SGCD: variants seen among roughly 807,000 people sequenced by gnomAD.
The protein encoded by SGCD is delta-sarcoglycan.
In SGCD, 18 loss-of-function variants were observed where a neutral mutation model predicts 36.6. The ratio of observed to expected loss-of-function variants is 0.49; its 90% CI spans 0.34 to 0.73. The LOEUF is 0.73. Ranked by LOEUF, SGCD falls within the 30% of genes least tolerant of loss-of-function variation. The pLI is 0.01. For synonymous variants in SGCD, 133 were observed against 130.6 expected (o/e 1.02, Z -0.12); for missense variants, 387 against 346.7 (o/e 1.12, Z -0.92).
intron 7 of SGCD, among the ~76,000 whole-genome samples, chr5:156,719,942 CT>C (rs1187911225): frequency 6.6e-6 from 1 of 152,004 alleles, no homozygotes; most frequent in African/African-American, 2.4e-5. Context: ...CCTTAATCTC[CT>C]TTTACCAAAG....
intron 1 of SGCD, among the ~76,000 whole-genome samples, chr5:156,098,920 A>G (rs1412585796): frequency 2.0e-5 from 3 of 152,134 alleles, no homozygotes; most frequent in Non-Finnish European, 4.4e-5. Context: ...CTCTCCTACA[A>G]GCTTATGTCT....
chr5:156,113,546 G>A (rs1004240713), intron 1 of SGCD, among the ~76,000 whole-genome samples: 2 of 152,092 alleles, frequency 1.3e-5, no homozygotes, highest in Non-Finnish European at 2.9e-5. Flanking sequence ...TTTCACTTAG[G>A]TGATCATTTT....
chr5:155,795,706 A>C, the SGCD span, among the ~76,000 whole-genome samples: 1 of 152,156 alleles, frequency 6.6e-6, no homozygotes. Flanking sequence ...TAAAAGACTA[A>C]AATTGTCTCA....
intron 3 of SGCD, among the ~76,000 whole-genome samples, chr5:156,158,545 C>T (rs1289733385): frequency 6.6e-6 from 1 of 151,366 alleles, no homozygotes; most frequent in Non-Finnish European, 1.5e-5. Context: ...CCTGACCCCA[C>T]TCACGGCCTT....
At chr5:156,757,816 C>A in intron 8 of SGCD, 112 bp downstream of exon 8, 1 of 1,378,408 alleles carries the variant, frequency 7.3e-7, no homozygotes, top group Non-Finnish European at 9.4e-7. Flanking sequence ...CAAAAGGAGC[C>A]AAGCAGGTTT....
chr5:155,740,656 A>G, the SGCD span, among the ~76,000 whole-genome samples: 1 of 151,962 alleles, frequency 6.6e-6, no homozygotes, highest in East Asian at 1.9e-4. Context: ...GAGCAGCTAT[A>G]CTCTTTGTAA....
At chr5:156,509,007 A>G (rs1756824311) in intron 4 of SGCD, among the ~76,000 whole-genome samples, 1 of 152,242 alleles carries the variant, frequency 6.6e-6, no homozygotes, top group Non-Finnish European at 1.5e-5. Context: ...ATGAATGCAG[A>G]TAATATTGCT....
At chr5:156,536,720 A>G (rs980303570) in intron 4 of SGCD, among the ~76,000 whole-genome samples, 38 of 152,078 alleles carry the variant, frequency 2.5e-4, no homozygotes, top group Non-Finnish European at 7.4e-5. Context: ...AGTTAGTAAA[A>G]ATTCTGGTGG....
chr5:156,420,589 A>G (rs191244689), intron 3 of SGCD, among the ~76,000 whole-genome samples: 25 of 152,236 alleles, frequency 1.6e-4, no homozygotes, highest in Admixed American at 6.5e-4. Flanking sequence ...TTTAATTTCA[A>G]TTGCTGCTTT....
chr5:156,432,585 G>T (rs1484167849), intron 3 of SGCD, among the ~76,000 whole-genome samples: 2 of 152,156 alleles, frequency 1.3e-5, no homozygotes, highest in Non-Finnish European at 2.9e-5. Context: ...ATCAGGTGGG[G>T]TCAGGGTTAG....
intron 7 of SGCD, among the ~76,000 whole-genome samples, chr5:156,720,944 C>T (rs1349992893): frequency 6.6e-6 from 1 of 152,156 alleles, no homozygotes; most frequent in Non-Finnish European, 1.5e-5. Context: ...CAGCAGTAGA[C>T]ATTTCGAAAA....
intron 1 of SGCD, among the ~76,000 whole-genome samples, chr5:155,959,400 G>A (rs560598581): frequency 6.6e-6 from 1 of 152,056 alleles, no homozygotes; most frequent in Admixed American, 6.6e-5. Flanking sequence ...ACTTGCCAAG[G>A]GACATTTCCT....
At chr5:155,952,856 G>T (rs932504197) in intron 1 of SGCD, among the ~76,000 whole-genome samples, 2 of 152,186 alleles carry the variant, frequency 1.3e-5, no homozygotes, top group African/African-American at 4.8e-5. Flanking sequence ...TGAAAAATGG[G>T]CCCTGAGGAT....
intron 1 of SGCD, among the ~76,000 whole-genome samples, chr5:156,085,127 A>G (rs1327190915): frequency 6.6e-6 from 1 of 151,930 alleles, no homozygotes; most frequent in African/African-American, 2.4e-5. Flanking sequence ...TTTGCCTCTA[A>G]GTTCATGAGA....
At chr5:155,823,304 GAA>G in the SGCD span, among the ~76,000 whole-genome samples, 20,435 of 110,350 alleles carry the variant, frequency 0.19, 1,895 homozygotes, top group Middle Eastern at 0.29. Context: ...CAGTGAAGCA[GAA>G]AAAAAAAAAA....
At chr5:156,580,765 C>A (rs960700150) in intron 4 of SGCD, among the ~76,000 whole-genome samples, 2 of 152,168 alleles carry the variant, frequency 1.3e-5, no homozygotes, top group African/African-American at 4.8e-5. Context: ...CATTTAAGCT[C>A]TTCTCTACAC....
At chr5:156,369,907 A>G (rs1475859293) in intron 3 of SGCD, among the ~76,000 whole-genome samples, 2 of 152,236 alleles carry the variant, frequency 1.3e-5, no homozygotes, top group African/African-American at 4.8e-5. Context: ...ACTTGTTTTC[A>G]GGTGCTTTCT....
intron 2 of SGCD, among the ~76,000 whole-genome samples, chr5:156,332,764 G>A (rs1312192070): frequency 6.6e-6 from 1 of 152,152 alleles, no homozygotes; most frequent in Non-Finnish European, 1.5e-5. Flanking sequence ...AACATTAAAT[G>A]TGATAGATAT....
chr5:156,452,813 G>A lies in SGCD; in HGVS notation c.193-55788G>A, dbSNP rs375898055. On this transcript the variant is annotated intron_variant, in intron 3 of 8. Transcript: ENST00000337851. Reference sequence around the variant, plus strand: ...TCATGTCAATAAAATGAAAGGTAATGTAGATAAATGTGAGATATTATATTT... The same window carrying A: ...TCATGTCAATAAAATGAAAGGTAATATAGATAAATGTGAGATATTATATTT... 1.1e-4 allele frequency among the ~76,000 whole-genome samples: 16 copies of A among 152,276 alleles called. No homozygotes were observed. In the East Asian group the frequency reaches 2.5e-3, roughly 24 times the overall value.
Sources: allele counts gnomAD v4.1 joint callset (sites outside exome capture counted in the v4.1 genomes callset), GRCh38; gene constraint gnomAD v4.1.1; transcripts MANE v1.5; gene names NCBI Gene and HGNC (gene_info 2026-07-23, HGNC 2026-07-21).